KDM4B: variants seen among roughly 807,000 people sequenced by gnomAD.
KDM4B encodes lysine demethylase 4B.
A neutral mutation model predicts 125.2 loss-of-function variants in KDM4B; 32 were observed. That is an observed-to-expected ratio of 0.26 (90% CI 0.19 to 0.34). The LOEUF (loss-of-function observed/expected upper bound fraction) is 0.34, where lower values mean the gene tolerates loss of function less well. Among genes scored for constraint, KDM4B ranks in the 10% least tolerant of loss-of-function variants. KDM4B has a pLI of 1.00. For synonymous variants in KDM4B, 721 were observed against 677.9 expected, an observed-to-expected ratio of 1.06 and a Z score of -0.99; for missense variants, 1,190 against 1,577.7, an observed-to-expected ratio of 0.75 and a Z score of 4.16.
chr19:5,028,223 C>T lies in KDM4B; in HGVS notation c.-25-4643C>T, dbSNP rs556396856. On this transcript the variant is annotated intron_variant, in intron 2 of 22. Coordinates refer to ENST00000159111, the MANE Select transcript of KDM4B (RefSeq NM_015015.3). ...AACTCCTGGGCTAGAGCACCCCTCCCGCCTCAGCCCCCCAGAGTTCTGGGA... is the reference window on the plus strand; with the variant it reads ...AACTCCTGGGCTAGAGCACCCCTCCTGCCTCAGCCCCCCAGAGTTCTGGGA... Among the ~76,000 whole-genome samples the T allele has an allele frequency of 6.8e-4, 103 of 152,310 alleles. 3 individuals are homozygous for T. Among genetic ancestry groups the T allele is most frequent in the Admixed American group, 6.1e-3 (93 of 15,302 alleles).
intron 1 of KDM4B, among the ~76,000 whole-genome samples, chr19:5,015,826 C>A (rs2035875616): frequency 6.6e-6 from 1 of 152,206 alleles, no homozygotes; most frequent in Admixed American, 6.5e-5. Flanking sequence ...CCTGTGCGGT[C>A]GCAGCCCCTG....
chr19:4,991,701 A>G (rs1315866561), intron 1 of KDM4B, among the ~76,000 whole-genome samples: 1 of 152,130 alleles, frequency 6.6e-6, no homozygotes, highest in Non-Finnish European at 1.5e-5. Flanking sequence ...TCCAGGAACC[A>G]CCATTGCAAT....
In KDM4B at chr19:5,032,954, A is replaced by G; in HGVS notation, c.64A>G (p.Met22Val). The change falls in exon 3 of 23, where the codon ATG (methionine) becomes GTG (valine). Residue 22 changes from methionine (M) to valine (V), a missense_variant. Physicochemically the swap from Met to Val is conservative, Grantham distance 21. Transcript: ENST00000159111. ...TAAAATCATGACGTTTCGCCCAACCATGGAAGAATTTAAAGACTTCAACAA... is the reference window on the plus strand; with the variant it reads ...TAAAATCATGACGTTTCGCCCAACCGTGGAAGAATTTAAAGACTTCAACAA... The part of the protein sequence containing the change: ...SCKIMTFRPT[M>V]EEFKDFNKYV... The G allele has an allele frequency of 2.5e-6, 4 of 1,614,106 alleles. No individual in the cohort carries two copies. The highest frequency in any genetic ancestry group is 3.4e-6 in the Non-Finnish European group (4 of 1,179,998).
chr19:5,107,283 T>C (rs1479506780), intron 9 of KDM4B, among the ~76,000 whole-genome samples: 1 of 152,254 alleles, frequency 6.6e-6, no homozygotes, highest in African/African-American at 2.4e-5. Flanking sequence ...CTTGCCCTGT[T>C]TGTGCCTGAT....
intron 2 of KDM4B, among the ~76,000 whole-genome samples, chr19:5,024,989 C>G (rs996842329): frequency 6.6e-6 from 1 of 152,204 alleles, no homozygotes; most frequent in South Asian, 2.1e-4. Context: ...ATACAATTTG[C>G]GAACCATACA....
intron 11 of KDM4B, among the ~76,000 whole-genome samples, chr19:5,129,068 A>G (rs1162873263): frequency 6.6e-6 from 1 of 152,096 alleles, no homozygotes; most frequent in African/African-American, 2.4e-5. Context: ...GGCTGCCTTC[A>G]CCTTATGGCT....
chr19:5,150,384 G>C lies in KDM4B; in HGVS notation c.3048G>C (p.Leu1016=), dbSNP rs943423839. ...YQVEFEDGSQ[L]TVKRGDIFTL... The stretch of plus-strand genomic sequence containing the variant: ...TGGAGTTTGAGGACGGGTCCCAGCT[G>C]ACGGTGAAGCGTGGGGACATCTTCA... The change falls in exon 22 of 23, where the codon CTG becomes CTC. Residue 1016 remains leucine, a synonymous_variant. Transcript: ENST00000159111. 2.6e-6 allele frequency: 4 copies of C among 1,551,314 alleles called. No individual in the cohort carries two copies. In the Admixed American group the frequency reaches 7.8e-5, roughly 30 times the overall value.
intron 9 of KDM4B, among the ~76,000 whole-genome samples, chr19:5,094,029 C>T (rs560659383): frequency 9.2e-5 from 14 of 152,292 alleles, no homozygotes; most frequent in South Asian, 6.2e-4. Context: ...CCCCTCAGGG[C>T]GCCAGGGAGA....
rs1219332326 is a variant in KDM4B at position 5,115,599 on chromosome 19, C to T, written c.1116-4054C>T. Among the ~76,000 whole-genome samples, 1 of 152,236 alleles carries T rather than the reference C, an allele frequency of 6.6e-6. No individual in the cohort carries two copies. The highest frequency in any genetic ancestry group is 1.5e-5 in the Non-Finnish European group (1 of 68,046). The stretch of plus-strand genomic sequence containing the variant: ...AGGGATCAACGGCCAGGGGACCCGA[C>T]ACATTGGAGGCTGCGCTCCCATGAC... On this transcript the variant is annotated intron_variant, in intron 10 of 22. Coordinates refer to ENST00000159111, the MANE Select transcript of KDM4B (RefSeq NM_015015.3). This position sits in a 1 kb window ranked among gnomAD's most constrained non-coding sequence, Gnocchi z 4.2.
chr19:5,031,045 C>T (rs751391039), intron 2 of KDM4B, among the ~76,000 whole-genome samples: 1 of 152,256 alleles, frequency 6.6e-6, no homozygotes, highest in Non-Finnish European at 1.5e-5. Flanking sequence ...CTGAGGGTCC[C>T]ACAGTGGTCC....
chr19:5,117,617 C>T (rs1036731524), intron 10 of KDM4B, among the ~76,000 whole-genome samples: 1 of 152,168 alleles, frequency 6.6e-6, no homozygotes, highest in Non-Finnish European at 1.5e-5. Context: ...TTGCCTAGCC[C>T]CCTAGTGGAG....
chr19:4,985,629 G>C (rs537513655), intron 1 of KDM4B, among the ~76,000 whole-genome samples: 1 of 152,368 alleles, frequency 6.6e-6, no homozygotes, highest in African/African-American at 2.4e-5. Flanking sequence ...CTGGCCCCGC[G>C]TGCTGTGCCG....
chr19:5,064,575 G>T (rs1459208206), intron 6 of KDM4B, among the ~76,000 whole-genome samples: 1 of 152,162 alleles, frequency 6.6e-6, no homozygotes, highest in Non-Finnish European at 1.5e-5. Flanking sequence ...AAGTGCCACT[G>T]TCACCTGGGA....
At chr19:5,041,113 G>A (rs72990171) in intron 4 of KDM4B, 24 bp from the exon 5 acceptor site, 9 of 1,534,002 alleles carry the variant, frequency 5.9e-6, no homozygotes, top group Non-Finnish European at 8.1e-6. Context: ...ACCCTGAGCT[G>A]GTTTTGGGGT....
intron 9 of KDM4B, among the ~76,000 whole-genome samples, chr19:5,087,675 A>G (rs1296073958): frequency 3.3e-5 from 5 of 152,070 alleles, no homozygotes; most frequent in African/African-American, 1.2e-4. Context: ...CCCATCTCTG[A>G]GTATTCCATT....
chr19:5,047,407 C>G, intron 5 of KDM4B, 69 bp from the exon 6 acceptor site: 1 of 1,452,158 alleles, frequency 6.9e-7, no homozygotes, highest in Non-Finnish European at 9.3e-7. Flanking sequence ...GAGAATTAGC[C>G]TGCACCCCAG....
intron 6 of KDM4B, among the ~76,000 whole-genome samples, chr19:5,060,414 C>T (rs1199869951): frequency 9.3e-6 from 1 of 107,944 alleles, no homozygotes; most frequent in Admixed American, 1.5e-4. Context: ...GCCTGGGTGA[C>T]GGAGGAAGAC....
intron 6 of KDM4B, among the ~76,000 whole-genome samples, chr19:5,055,864 C>T (rs962826291): frequency 1.3e-5 from 2 of 152,150 alleles, no homozygotes; most frequent in Admixed American, 1.3e-4. Flanking sequence ...CAGAGAGTTC[C>T]CCACCGGGTT....
chr19:5,005,960 C>G (rs1599397211), intron 1 of KDM4B, among the ~76,000 whole-genome samples: 1 of 152,116 alleles, frequency 6.6e-6, no homozygotes, highest in East Asian at 1.9e-4. Context: ...GGCTTCTCAT[C>G]CCAGTGGTCT....
Sources: allele counts gnomAD v4.1 joint callset (sites outside exome capture counted in the v4.1 genomes callset), GRCh38; gene constraint gnomAD v4.1.1; non-coding constraint Gnocchi (gnomAD v3.1); transcripts MANE v1.5; gene names NCBI Gene and HGNC (gene_info 2026-07-23, HGNC 2026-07-21).